Variants in DGKG observed in about 807,000 individuals in gnomAD.
The protein encoded by DGKG is DAG kinase gamma.
A neutral mutation model predicts 105.3 loss-of-function variants in DGKG; 78 were observed. The ratio of observed to expected loss-of-function variants is 0.74; its 90% CI spans 0.62 to 0.89. The LOEUF (loss-of-function observed/expected upper bound fraction) is 0.89. Ranked by LOEUF, DGKG falls within the 40% of genes least tolerant of loss-of-function variation. The probability of loss-of-function intolerance (pLI) is 0.00; values close to 1 mark genes in which losing one functional copy is unlikely to be tolerated. For synonymous variants in DGKG, 346 were observed against 367.1 expected, an observed-to-expected ratio of 0.94 and a Z score of 0.66; for missense variants, 958 against 1,020.1, an observed-to-expected ratio of 0.94 and a Z score of 0.83.
intron 2 of DGKG, among the ~76,000 whole-genome samples, chr3:186,310,279 A>AAAAAAAAAAC (rs1724468925): frequency 6.7e-6 from 1 of 149,034 alleles, no homozygotes; most frequent in African/African-American, 2.4e-5. Flanking sequence ...AAAAAAAAAA[A>AAAAAAAAAAC]AAAAAAAAAA....
chr3:186,244,646 A>T (rs1295926399), intron 19 of DGKG, among the ~76,000 whole-genome samples: 1 of 152,130 alleles, frequency 6.6e-6, no homozygotes, highest in Non-Finnish European at 1.5e-5. Context: ...GCCTCAGGTG[A>T]TCTGCCCAAC....
At chr3:186,245,569 A>T (rs1720900279) in intron 19 of DGKG, among the ~76,000 whole-genome samples, 1 of 152,252 alleles carries the variant, frequency 6.6e-6, no homozygotes, top group Non-Finnish European at 1.5e-5. Context: ...GCAAAGCGAG[A>T]CTTCTGTTCT....
chr3:186,193,800 C>T (rs1718031169), intron 21 of DGKG, among the ~76,000 whole-genome samples: 1 of 152,250 alleles, frequency 6.6e-6, no homozygotes, highest in South Asian at 2.1e-4. Flanking sequence ...TGCTCCGGCC[C>T]GCGCGGCCCC....
At chr3:186,269,442 G>A (rs1365321141) in intron 11 of DGKG, among the ~76,000 whole-genome samples, 1 of 152,196 alleles carries the variant, frequency 6.6e-6, no homozygotes, top group Admixed American at 6.5e-5. Flanking sequence ...CTGGGGCAAT[G>A]CAATGAGATA....
At chr3:186,189,941 G>A (rs1717825813) in intron 21 of DGKG, among the ~76,000 whole-genome samples, 1 of 152,032 alleles carries the variant, frequency 6.6e-6, no homozygotes, top group African/African-American at 2.4e-5. Context: ...CCCCTAGATA[G>A]ATGATGATGA....
intron 24 of DGKG, chr3:186,158,674 T>C (rs1378080164): frequency 1.0e-6 from 1 of 955,006 alleles, no homozygotes. Context: ...GCATTTATTT[T>C]TTTGCTACTT....
rs1217601200 is a variant in DGKG at position 186,230,041 on chromosome 3, C to T, written c.1826+12463G>A. Among the ~76,000 whole-genome samples, 11 of 152,202 alleles carry T rather than the reference C, an allele frequency of 7.2e-5. No individual in the cohort carries two copies. In the East Asian group the frequency reaches 7.7e-4, roughly 11 times the overall value. ...TTGGGAGGCCGAGGCGGGCGGATCA[C>T]GAGGTCAGGAGATCAAGACCATCCT... On this transcript the variant is annotated intron_variant, in intron 20 of 24. Transcript: ENST00000265022.
At chr3:186,353,563 ATG>A (rs565403061) in intron 1 of DGKG, among the ~76,000 whole-genome samples, 6,643 of 122,084 alleles carry the variant, frequency 0.054, 551 homozygotes, top group African/African-American at 0.21. Flanking sequence ...ACTTTTATGT[ATG>A]TATATATATA....
At chr3:186,297,830 G>A (rs1723661809) in intron 4 of DGKG, among the ~76,000 whole-genome samples, 1 of 121,518 alleles carries the variant, frequency 8.2e-6, no homozygotes, top group Non-Finnish European at 1.8e-5. Flanking sequence ...TCCCCATCCT[G>A]CTCTTTGATC....
intron 1 of DGKG, among the ~76,000 whole-genome samples, chr3:186,322,022 TTCTC>T (rs1220880146): frequency 1.3e-5 from 2 of 152,178 alleles, no homozygotes; most frequent in Non-Finnish European, 2.9e-5. Flanking sequence ...CTCGGCTTGT[TTCTC>T]TCTCTGCAAT....
At chr3:186,256,324 T>C (rs1388037843) in intron 17 of DGKG, among the ~76,000 whole-genome samples, 4 of 152,234 alleles carry the variant, frequency 2.6e-5, no homozygotes. Flanking sequence ...CGGCTTTCTC[T>C]GCCCTGGTCA....
chr3:186,177,487 A>T (rs1173013678), intron 22 of DGKG, among the ~76,000 whole-genome samples: 1 of 152,182 alleles, frequency 6.6e-6, no homozygotes, highest in Non-Finnish European at 1.5e-5. Context: ...TGCTGAAGGG[A>T]AGACCTCCTT....
chr3:186,265,018 A>G (rs1472658835), intron 14 of DGKG, among the ~76,000 whole-genome samples: 1 of 152,238 alleles, frequency 6.6e-6, no homozygotes, highest in East Asian at 1.9e-4. Flanking sequence ...ATAAAGCCCA[A>G]TAAGACCAGC....
chr3:186,304,178 C>T lies in DGKG; in HGVS notation c.144+2723G>A, dbSNP rs561061492. ...CTGACCAAACTGTTCCTCTCCCACT[C>T]ATCAGCCCCAGGGCGGACAAGCTGA... On this transcript the variant is annotated intron_variant, in intron 3 of 24. Coordinates refer to ENST00000265022, the MANE Select transcript of DGKG (RefSeq NM_001346.3). Among the ~76,000 whole-genome samples, 12 of 152,364 alleles carry T rather than the reference C, an allele frequency of 7.9e-5. No homozygotes were observed. The South Asian group carries it at 2.1e-3, about 26-fold the overall frequency.
At chr3:186,255,687 G>T (rs564631883) in intron 17 of DGKG, among the ~76,000 whole-genome samples, 1 of 152,188 alleles carries the variant, frequency 6.6e-6, no homozygotes, top group Non-Finnish European at 1.5e-5. Flanking sequence ...ATTACTTCAA[G>T]GGTTTTGTCT....
At chr3:186,179,265 T>A (rs1377863487) in intron 22 of DGKG, among the ~76,000 whole-genome samples, 1 of 152,224 alleles carries the variant, frequency 6.6e-6, no homozygotes, top group Non-Finnish European at 1.5e-5. Context: ...AAATATTGCC[T>A]ATGGTGGTTT....
chr3:186,297,271 G>A, intron 5 of DGKG, 150 bp downstream of exon 5: 4 of 642,942 alleles, frequency 6.2e-6, no homozygotes, highest in Non-Finnish European at 1.1e-5. Flanking sequence ...GAGCCCCAGA[G>A]ATGGAGGTTC....
intron 20 of DGKG, among the ~76,000 whole-genome samples, chr3:186,224,560 G>A (rs938151652): frequency 1.3e-5 from 2 of 152,194 alleles, no homozygotes; most frequent in Non-Finnish European, 2.9e-5. Context: ...GGTCTCAAGA[G>A]GCTCTGGGGT....
chr3:186,256,662 C>T (rs113513790), intron 17 of DGKG, among the ~76,000 whole-genome samples: 108 of 152,352 alleles, frequency 7.1e-4, no homozygotes, highest in Middle Eastern at 3.4e-3. Context: ...CCTGGCCCCT[C>T]GTCACCTCTG....
Sources: gnomAD v4.1 joint callset for allele counts (sites outside exome capture counted in the v4.1 genomes callset) on GRCh38, gnomAD v4.1.1 for gene constraint, MANE v1.5 for transcripts, NCBI Gene and HGNC (gene_info 2026-07-23, HGNC 2026-07-21) for gene names.